FNTB: variants seen among roughly 807,000 people sequenced by gnomAD.
The protein encoded by FNTB is farnesyltransferase, CAAX box, subunit beta, also known as protein farnesyltransferase subunit beta.
In FNTB, 27 loss-of-function variants were observed where a neutral mutation model predicts 59.4. The observed-to-expected ratio is 0.45, with a 90% confidence interval of 0.34 to 0.63. FNTB has a LOEUF of 0.63. FNTB is among the 20% of genes least tolerant of loss of function. The probability of loss-of-function intolerance (pLI) is 0.02; values close to 1 mark genes in which losing one functional copy is unlikely to be tolerated. For missense variants in FNTB, 449 were observed against 559.6 expected, an observed-to-expected ratio of 0.80 and a Z score of 1.99; for synonymous variants, 230 against 220.7, an observed-to-expected ratio of 1.04 and a Z score of -0.37.
rs1389296692 is a variant in FNTB at position 64,991,208 on chromosome 14, C to G, written c.144+4111C>G. Reference sequence around the variant, plus strand: ...GTGTCATTGAACCATTGGCATGGTTCATTGTCAATGAAGTGACTTGAACTC... The same window carrying G: ...GTGTCATTGAACCATTGGCATGGTTGATTGTCAATGAAGTGACTTGAACTC... On this transcript the variant is annotated intron_variant, in intron 1 of 11. Transcript: ENST00000246166. The surrounding 1 kb of genome is among the most constrained non-coding windows in gnomAD (Gnocchi z 4.4). 2.6e-5 allele frequency among the ~76,000 whole-genome samples: 4 copies of G among 152,176 alleles called. No individual in the cohort carries two copies. Among genetic ancestry groups the G allele is most frequent in the African/African-American group, 9.7e-5 (4 of 41,430 alleles).
Position 65,007,182 on chromosome 14 carries a change from C to T in FNTB, c.209+2869C>T, listed in dbSNP as rs187961626. Among the ~76,000 whole-genome samples the T allele has an allele frequency of 3.8e-4, 58 of 152,086 alleles. No homozygotes were observed. Among genetic ancestry groups the T allele is most frequent in the Non-Finnish European group, 6.8e-4 (46 of 67,996 alleles). On this transcript the variant is annotated intron_variant, in intron 2 of 11. Coordinates refer to ENST00000246166, the MANE Select transcript of FNTB (RefSeq NM_002028.4). This position sits in a 1 kb window ranked among gnomAD's most constrained non-coding sequence, Gnocchi z 4.9. ...GCAAACATCACCATCATAGAATAAGCGAGGATATAAGAATAAATTAGAAAA... is the reference window on the plus strand; with the variant it reads ...GCAAACATCACCATCATAGAATAAGTGAGGATATAAGAATAAATTAGAAAA...
intron 2 of FNTB, among the ~76,000 whole-genome samples, chr14:65,008,364 C>T (rs1357835252): frequency 6.6e-6 from 1 of 152,232 alleles, no homozygotes; most frequent in Non-Finnish European, 1.5e-5. Flanking sequence ...GCAGCAGTAT[C>T]TAGAGAGTCT....
Position 65,054,901 on chromosome 14 carries a change from G to C in FNTB, c.1182+212G>C, listed in dbSNP as rs1413929448. On this transcript the variant is annotated intron_variant, in intron 11 of 11. Transcript: ENST00000246166. This position sits in a 1 kb window ranked among gnomAD's most constrained non-coding sequence, Gnocchi z 4.4. ...GCTCAGGGTTCCAGATGGGCGGTCT[G>C]ATCTGTCAAAGAGCTGTTGTGCCTT... Among the ~76,000 whole-genome samples, 2 of 152,220 alleles carry C rather than the reference G, an allele frequency of 1.3e-5. No homozygotes were observed. The highest frequency in any genetic ancestry group is 2.4e-5 in the African/African-American group (1 of 41,456).
chr14:65,061,680 GCCACCATTCAGTCA>G lies in FNTB; in HGVS notation c.*372_*385del. The stretch of plus-strand genomic sequence containing the variant: ...AGCCACTGCTGACTCCCACTTGCAC[GCCACCATTCAGTCA>G]CCAGACTGGGTGCCCTCCGATGGGT... On this transcript the variant is annotated 3_prime_UTR_variant, in exon 12 of 12. Coordinates refer to ENST00000246166, the MANE Select transcript of FNTB (RefSeq NM_002028.4). The G allele has an allele frequency of 5.1e-6, 1 of 197,180 alleles. No homozygotes were observed. Among genetic ancestry groups the G allele is most frequent in the East Asian group, 1.1e-4 (1 of 8,896 alleles). The allele number at this position is 197,180 out of a possible 1,614,324, so 12.2% of individuals were successfully genotyped here. A position where few individuals can be genotyped will look rare whatever the true frequency, so the allele number is the denominator to read the frequency against.
At chr14:65,006,634 G>A (rs193189645) in intron 2 of FNTB, among the ~76,000 whole-genome samples, 11 of 152,280 alleles carry the variant, frequency 7.2e-5, no homozygotes, top group African/African-American at 1.2e-4. Flanking sequence ...TCACCCGATC[G>A]GGCTGAGTCA....
At position 65,032,675 on chromosome 14, in the gene FNTB, G is replaced by A; in HGVS notation, c.671G>A (p.Gly224Asp). The A allele has an allele frequency of 6.2e-7, 1 of 1,613,824 alleles. No homozygotes were observed. Among genetic ancestry groups the A allele is most frequent in the South Asian group, 1.1e-5 (1 of 91,046 alleles). ...ATCATCACTCCAGACCTCTTTGAGG[G>A]CACTGCTGAATGGATAGCAAGGTGA... is the stretch of plus-strand genomic sequence containing the variant. ...TNIITPDLFEGTAEWIARCQN... is the reference protein window; with the variant it reads ...TNIITPDLFEDTAEWIARCQN... The change falls in exon 7 of 12, where the codon GGC becomes GAC. Residue 224 changes from glycine to aspartate, a missense_variant. Gly to Asp is a moderately conservative substitution (Grantham distance 94, BLOSUM62 -1). Around this residue, in one of 2 missense-constraint regions of FNTB, gnomAD observed 337 missense variants for 479.1 expected, o/e 0.70. Coordinates refer to ENST00000246166, the MANE Select transcript of FNTB (RefSeq NM_002028.4). This position sits in a 1 kb window ranked among gnomAD's most constrained non-coding sequence, Gnocchi z 5.0.
At chr14:65,057,697 T>C (rs2062768954) in intron 11 of FNTB, among the ~76,000 whole-genome samples, 1 of 152,230 alleles carries the variant, frequency 6.6e-6, no homozygotes, top group African/African-American at 2.4e-5. Context: ...GCTTTTTTAA[T>C]CTAGATTTTT....
chr14:65,032,528 C>G lies in FNTB; in HGVS notation c.606-82C>G, dbSNP rs920179789. 6.7e-7 allele frequency: 1 copy of G among 1,494,226 alleles called. No homozygotes were observed. The highest frequency in any genetic ancestry group is 1.4e-5 in the African/African-American group (1 of 71,846). 92.6% of individuals were successfully genotyped at this position (1,494,226 alleles called of 1,614,324 possible). A position where few individuals can be genotyped will look rare whatever the true frequency, so the allele number is the denominator to read the frequency against. On this transcript the variant is annotated intron_variant, in intron 6 of 11. Transcript: ENST00000246166. This position sits in a 1 kb window ranked among gnomAD's most constrained non-coding sequence, Gnocchi z 5.0. ...GGTGATTACAGCTTACTAGGCAAGGCGAGCAGTCCGCCCGCGGAGTTCACT... is the reference window on the plus strand; with the variant it reads ...GGTGATTACAGCTTACTAGGCAAGGGGAGCAGTCCGCCCGCGGAGTTCACT...
At position 65,025,739 on chromosome 14, in the gene FNTB, T is replaced by TG. The variant is rs1055194134; in HGVS notation, c.375-1710dup. 1.6e-4 allele frequency among the ~76,000 whole-genome samples: 25 copies of TG among 152,162 alleles called. No homozygotes were observed. The South Asian group carries it at 4.8e-3, about 29-fold the overall frequency. ...CTGAGGTGGGAGGATAGCTTGAGTC[T>TG]GGGGAGGTTGAGGCTGCAGTGAGCC... On this transcript the variant is annotated intron_variant, in intron 4 of 11. Transcript: ENST00000246166.
Position 65,025,083 on chromosome 14 carries a change from A to G in FNTB, c.375-2370A>G, listed in dbSNP as rs2061955437. 2.0e-5 allele frequency among the ~76,000 whole-genome samples: 3 copies of G among 152,188 alleles called. No homozygotes were observed. The South Asian group carries it at 6.2e-4, about 32-fold the overall frequency. On this transcript the variant is annotated intron_variant, in intron 4 of 11. Transcript: ENST00000246166. Reference sequence around the variant, plus strand: ...AGCCTTGGGATCAGAATGTTCTGTAATACGGAAGTGTCTGAGATCAAGAGA... The same window carrying G: ...AGCCTTGGGATCAGAATGTTCTGTAGTACGGAAGTGTCTGAGATCAAGAGA...
intron 11 of FNTB, among the ~76,000 whole-genome samples, chr14:65,059,849 T>C (rs1039609648): frequency 6.6e-6 from 1 of 150,670 alleles, no homozygotes; most frequent in Non-Finnish European, 1.5e-5. Flanking sequence ...TTTTTTTTTT[T>C]TTTTGAGACA....
rs1045882681 is a variant in FNTB, at chr14:65,009,007, C to G, written c.210-3310C>G. Among the ~76,000 whole-genome samples the G allele has an allele frequency of 6.6e-6, 1 of 152,156 alleles. No homozygotes were observed. Among genetic ancestry groups the G allele is most frequent in the African/African-American group, 2.4e-5 (1 of 41,414 alleles). On this transcript the variant is annotated intron_variant, in intron 2 of 11. Coordinates refer to ENST00000246166, the MANE Select transcript of FNTB (RefSeq NM_002028.4). The surrounding 1 kb of genome is among the most constrained non-coding windows in gnomAD (Gnocchi z 4.2). ...CATCCCACCCTGCACCCCCTCAAGTCCTGCACGAAACCTGTCTTATTCTGC... is the reference window on the plus strand; with the variant it reads ...CATCCCACCCTGCACCCCCTCAAGTGCTGCACGAAACCTGTCTTATTCTGC...
rs2062507219 is a variant in FNTB, at chr14:65,047,334, T to G, written c.955+2891T>G. On this transcript the variant is annotated intron_variant, in intron 9 of 11. Transcript: ENST00000246166. The surrounding 1 kb of genome is among the most constrained non-coding windows in gnomAD (Gnocchi z 5.2). ...AATACCTGATTGGCACTCACAAGGG[T>G]TAGTATGTGGTTGTGTGAATCCAGA... 6.6e-6 allele frequency among the ~76,000 whole-genome samples: 1 copy of G among 152,184 alleles called. No homozygotes were observed. Among genetic ancestry groups the G allele is most frequent in the Non-Finnish European group, 1.5e-5 (1 of 68,026 alleles).
chr14:65,035,676 C>T (rs774375977), intron 7 of FNTB, among the ~76,000 whole-genome samples: 33 of 150,782 alleles, frequency 2.2e-4, no homozygotes, highest in Admixed American at 9.3e-4. Flanking sequence ...ACAACAAGCG[C>T]GTGCCACCAT....
chr14:65,043,047 G>C (rs2062387300), intron 8 of FNTB, among the ~76,000 whole-genome samples: 1 of 152,150 alleles, frequency 6.6e-6, no homozygotes, highest in Non-Finnish European at 1.5e-5. Context: ...TTCCATCAAG[G>C]GTCCCAGTGG....
rs1394034912 is a variant in FNTB, at chr14:65,012,036, C to T, written c.210-281C>T. On this transcript the variant is annotated intron_variant, in intron 2 of 11. Transcript: ENST00000246166. This position sits in a 1 kb window ranked among gnomAD's most constrained non-coding sequence, Gnocchi z 5.0. ...ATTGCCTGGCTGCGTGTGCTCATTG[C>T]GGCTTTTCCGTTAGCCCAAAGTCAC... The T allele has an allele frequency of 1.1e-5, 4 of 349,844 alleles. No individual in the cohort carries two copies. The highest frequency in any genetic ancestry group is 2.1e-5 in the African/African-American group (1 of 48,218). The allele number at this position is 349,844 out of a possible 1,614,324, so 21.7% of individuals were successfully genotyped here. A position where few individuals can be genotyped will look rare whatever the true frequency, so the allele number is the denominator to read the frequency against.
rs1888304317 is a variant in FNTB, at chr14:64,994,022, A to C, written c.144+6925A>C. On this transcript the variant is annotated intron_variant, in intron 1 of 11. Transcript: ENST00000246166. This position sits in a 1 kb window ranked among gnomAD's most constrained non-coding sequence, Gnocchi z 4.2. ...AGGCATGTGCTACCACACCCGGCTA[A>C]TTTTTGTATTTTAGTAGAGGTGGGG... Among the ~76,000 whole-genome samples, 1 of 151,822 alleles carries C rather than the reference A, an allele frequency of 6.6e-6. No homozygotes were observed. The highest frequency in any genetic ancestry group is 2.1e-4 in the South Asian group (1 of 4,808).
At chr14:65,046,936 CAG>C (rs754844418) in intron 9 of FNTB, among the ~76,000 whole-genome samples, 16 of 151,694 alleles carry the variant, frequency 1.1e-4, no homozygotes, top group South Asian at 2.1e-4. Context: ...TTTACAGAAA[CAG>C]GGAAATTCTA....
intron 4 of FNTB, among the ~76,000 whole-genome samples, chr14:65,018,386 G>T (rs1190071757): frequency 6.6e-6 from 1 of 152,160 alleles, no homozygotes; most frequent in South Asian, 2.1e-4. Context: ...TATATAGAGA[G>T]ATGTGAAATG....
Sources: allele counts gnomAD v4.1 joint callset (sites outside exome capture counted in the v4.1 genomes callset), GRCh38; gene constraint gnomAD v4.1.1; regional missense constraint gnomAD v4.1.1; non-coding constraint Gnocchi (gnomAD v3.1); transcripts MANE v1.5; gene names NCBI Gene and HGNC (gene_info 2026-07-23, HGNC 2026-07-21).